The following RNGTT variants were observed in gnomAD, a reference collection of about 807,000 sequenced individuals.
RNGTT encodes the protein mRNA-capping enzyme.
RNGTT carries 33 observed loss-of-function variants against 79.3 expected under a neutral mutation model. The ratio of observed to expected loss-of-function variants is 0.42; its 90% CI spans 0.32 to 0.56. The LOEUF (loss-of-function observed/expected upper bound fraction) is 0.56, where lower values mean the gene tolerates loss of function less well. Ranked by LOEUF, RNGTT falls within the 20% of genes least tolerant of loss-of-function variation. The pLI is 0.17. For missense variants in RNGTT, 497 were observed against 739.1 expected (o/e 0.67, Z 3.80); for synonymous variants, 222 against 235.9 (o/e 0.94, Z 0.54).
intron 13 of RNGTT, among the ~76,000 whole-genome samples, chr6:88,690,983 C>T (rs1459935987): frequency 1.3e-5 from 2 of 152,102 alleles, no homozygotes; most frequent in African/African-American, 2.4e-5. Context: ...GAATTCCATA[C>T]AACATCATGA....
At chr6:88,756,292 G>A (rs926768484) in intron 13 of RNGTT, among the ~76,000 whole-genome samples, 2 of 151,994 alleles carry the variant, frequency 1.3e-5, no homozygotes, top group Non-Finnish European at 2.9e-5. Flanking sequence ...GGCCAACACG[G>A]TGAAACCCCA....
At chr6:88,664,780 G>C (rs1016322326) in intron 14 of RNGTT, among the ~76,000 whole-genome samples, 2 of 152,142 alleles carry the variant, frequency 1.3e-5, no homozygotes, top group African/African-American at 4.8e-5. Context: ...TGGACCGAAG[G>C]GGACCAGGCT....
intron 13 of RNGTT, among the ~76,000 whole-genome samples, chr6:88,706,929 G>A (rs1238554951): frequency 1.3e-5 from 2 of 151,526 alleles, no homozygotes; most frequent in Admixed American, 6.6e-5. Context: ...TTCATCAAAC[G>A]ACGAAGACAT....
chr6:88,820,745 A>G (rs1780471023), intron 11 of RNGTT, among the ~76,000 whole-genome samples: 1 of 152,166 alleles, frequency 6.6e-6, no homozygotes, highest in Non-Finnish European at 1.5e-5. Context: ...GGGATAACAT[A>G]ACAACTACAT....
intron 8 of RNGTT, among the ~76,000 whole-genome samples, chr6:88,863,386 T>G (rs1228215608): frequency 6.6e-6 from 1 of 152,208 alleles, no homozygotes; most frequent in Non-Finnish European, 1.5e-5. Context: ...TGAACAGTAC[T>G]GGGTAAATTA....
chr6:88,728,110 C>G (rs111950035), intron 13 of RNGTT, among the ~76,000 whole-genome samples: 1,560 of 152,330 alleles, frequency 0.01, 24 homozygotes, highest in African/African-American at 0.035. Flanking sequence ...AGGGAAAACC[C>G]TACCAAACTA....
intron 11 of RNGTT, among the ~76,000 whole-genome samples, chr6:88,811,714 T>C (rs1004070897): frequency 2.6e-5 from 4 of 152,176 alleles, no homozygotes; most frequent in African/African-American, 9.7e-5. Context: ...CATTATAGTA[T>C]GGAAAATATA....
intron 13 of RNGTT, among the ~76,000 whole-genome samples, chr6:88,766,592 G>A (rs1013534123): frequency 2.0e-5 from 3 of 151,974 alleles, no homozygotes; most frequent in Non-Finnish European, 4.4e-5. Context: ...AGCAAAGTAT[G>A]GATTTTAATT....
At chr6:88,854,199 C>T (rs1403005369) in intron 8 of RNGTT, among the ~76,000 whole-genome samples, 3 of 151,836 alleles carry the variant, frequency 2.0e-5, no homozygotes, top group African/African-American at 7.3e-5. Context: ...CAAAGTGCTG[C>T]GATTACAGCG....
chr6:88,910,590 A>T (rs2127945534), intron 4 of RNGTT, among the ~76,000 whole-genome samples: 1 of 152,354 alleles, frequency 6.6e-6, no homozygotes, highest in African/African-American at 2.4e-5. Flanking sequence ...ATCCACAAAA[A>T]TGTCTCCAAA....
chr6:88,771,350 TACAC>T lies in RNGTT; in HGVS notation c.1339-1480_1339-1477del, dbSNP rs71021396. On this transcript the variant is annotated intron_variant, in intron 12 of 15. Transcript: ENST00000369485. ...ATATATATATATATATATATATATATACACACACACACACACACACAATTTCTTT... is the reference window on the plus strand; with the variant it reads ...ATATATATATATATATATATATATATACACACACACACACACAATTTCTTT... Among the ~76,000 whole-genome samples the T allele has an allele frequency of 6.0e-3, 694 of 116,038 alleles. 3 individuals carry two copies. Among genetic ancestry groups the T allele is most frequent in the African/African-American group, 0.019 (498 of 25,710 alleles). 76.1% of individuals were successfully genotyped at this position (116,038 alleles called of 152,430 possible). A position where few individuals can be genotyped will look rare whatever the true frequency, so the allele number is the denominator to read the frequency against.
intron 1 of RNGTT, among the ~76,000 whole-genome samples, chr6:88,960,509 G>A (rs577905695): frequency 2.8e-4 from 43 of 152,216 alleles, no homozygotes; most frequent in African/African-American, 9.6e-4. Context: ...CAAGGCAGGC[G>A]GATCACCCGA....
At chr6:88,749,307 G>A (rs914730210) in intron 13 of RNGTT, among the ~76,000 whole-genome samples, 1 of 152,032 alleles carries the variant, frequency 6.6e-6, no homozygotes, top group Non-Finnish European at 1.5e-5. Context: ...GGTATTGTGG[G>A]CTATAATAGA....
intron 6 of RNGTT, among the ~76,000 whole-genome samples, chr6:88,898,634 C>T (rs1783333477): frequency 6.7e-6 from 1 of 149,222 alleles, no homozygotes; most frequent in African/African-American, 2.5e-5. Context: ...TTAATTTTTA[C>T]AATATATAAT....
At chr6:88,612,950 GA>G in intron 15 of RNGTT, 68 bp from the exon 16 acceptor site, 1 of 1,446,208 alleles carries the variant, frequency 6.9e-7, no homozygotes, top group Non-Finnish European at 9.5e-7. Context: ...ACAGGCTTAT[GA>G]GAAAGGTTTT....
intron 14 of RNGTT, among the ~76,000 whole-genome samples, chr6:88,619,703 C>T (rs916893570): frequency 6.6e-6 from 1 of 152,100 alleles, no homozygotes; most frequent in South Asian, 2.1e-4. Flanking sequence ...AGTTATAATT[C>T]TACCTTTTGA....
At chr6:88,849,649 AC>A in intron 10 of RNGTT, 105 bp downstream of exon 10, 1 of 1,033,768 alleles carries the variant, frequency 9.7e-7, no homozygotes, top group Non-Finnish European at 1.3e-6. Context: ...AACCTGAGTC[AC>A]AAATTTTCTT....
intron 14 of RNGTT, among the ~76,000 whole-genome samples, chr6:88,647,272 T>C (rs1410892451): frequency 4.6e-5 from 7 of 152,162 alleles, no homozygotes; most frequent in African/African-American, 1.7e-4. Context: ...TTATAGTTTA[T>C]AAATAATAAT....
chr6:88,823,660 T>C (rs893188375), intron 11 of RNGTT, among the ~76,000 whole-genome samples: 4 of 152,082 alleles, frequency 2.6e-5, no homozygotes, highest in East Asian at 3.9e-4. Context: ...GACTAATGGA[T>C]GGATAGAGAA....
Sources: allele counts gnomAD v4.1 joint callset (sites outside exome capture counted in the v4.1 genomes callset), GRCh38; gene constraint gnomAD v4.1.1; transcripts MANE v1.5; gene names NCBI Gene and HGNC (gene_info 2026-07-23, HGNC 2026-07-21).